Variants in UHRF1 observed in about 807,000 individuals in gnomAD.
The protein encoded by UHRF1 is ubiquitin like with PHD and ring finger domains 1.
In UHRF1, 9 loss-of-function variants were observed where a neutral mutation model predicts 96.5. That is an observed-to-expected ratio of 0.09 (90% CI 0.06 to 0.16). The LOEUF (loss-of-function observed/expected upper bound fraction) is 0.16. Ranked by LOEUF, UHRF1 falls within the 10% of genes least tolerant of loss-of-function variation. The pLI is 1.00. For missense variants in UHRF1, 626 were observed against 1,131.1 expected, an observed-to-expected ratio of 0.55 and a Z score of 6.40; for synonymous variants, 455 against 469.9, an observed-to-expected ratio of 0.97 and a Z score of 0.41.
intron 5 of UHRF1, among the ~76,000 whole-genome samples, chr19:4,937,822 G>T (rs767359051): frequency 2.6e-5 from 4 of 152,074 alleles, no homozygotes; most frequent in Non-Finnish European, 5.9e-5. Context: ...TAAAATTTAC[G>T]TTAATTCTTC....
chr19:4,926,945 C>T (rs1274077725), intron 2 of UHRF1, among the ~76,000 whole-genome samples: 1 of 152,128 alleles, frequency 6.6e-6, no homozygotes, highest in African/African-American at 2.4e-5. Context: ...TGCCTGTAAT[C>T]CCCGCTACTT....
intron 2 of UHRF1, among the ~76,000 whole-genome samples, chr19:4,928,356 C>T (rs563768450): frequency 1.2e-4 from 18 of 152,084 alleles, no homozygotes; most frequent in Admixed American, 7.2e-4. Flanking sequence ...GGCAAACCAC[C>T]GGGAGAGGGT....
chr19:4,953,435 T>G (rs536234168), intron 13 of UHRF1, among the ~76,000 whole-genome samples: 14 of 152,278 alleles, frequency 9.2e-5, no homozygotes, highest in African/African-American at 2.6e-4. Context: ...ATTTCCAAAT[T>G]GTCAGCATCC....
chr19:4,960,773 G>A lies in UHRF1; in HGVS notation c.2352G>A (p.Gln784=). The change falls in exon 17 of 17, where the codon CAG becomes CAA. Residue 784 remains glutamine, a synonymous_variant. Transcript: ENST00000650932. The part of the protein sequence containing the change: ...VNQPLQTVLN[Q]LFPGYGNGR ...AGCCTCTGCAGACCGTCCTCAACCA[G>A]CTCTTCCCCGGCTACGGCAATGGCC... is the stretch of plus-strand genomic sequence containing the variant. 6.3e-7 allele frequency: 1 copy of A among 1,575,310 alleles called. No individual in the cohort carries two copies. Among genetic ancestry groups the A allele is most frequent in the East Asian group, 2.3e-5 (1 of 42,914 alleles).
rs777676296 is a variant in UHRF1, at chr19:4,932,965, C to T, written c.785+9C>T. 4.7e-5 allele frequency: 75 copies of T among 1,599,646 alleles called. No individual in the cohort carries two copies. In the Middle Eastern group the frequency reaches 5.0e-4, roughly 11 times the overall value. On this transcript the variant is annotated intron_variant, in intron 5 of 16. Coordinates refer to ENST00000650932, the MANE Select transcript of UHRF1 (RefSeq NM_001048201.3). ...GCCAACGTGGTGCTGGGGTGAGCCT[C>T]GCGTCCTGGGGCGAGCCCTTCCTCT...
chr19:4,934,110 G>A (rs2033146679), intron 5 of UHRF1, among the ~76,000 whole-genome samples: 2 of 150,924 alleles, frequency 1.3e-5, no homozygotes, highest in African/African-American at 4.9e-5. Context: ...TGCAGCCTCC[G>A]CCTTCCAGGT....
chr19:4,946,115 A>C, intron 10 of UHRF1, 150 bp downstream of exon 10: 2 of 603,438 alleles, frequency 3.3e-6, no homozygotes, highest in Non-Finnish European at 2.9e-6. Flanking sequence ...TGCAACCATC[A>C]CCACCACCAT....
chr19:4,960,649 T>G lies in UHRF1; in HGVS notation c.2236-8T>G. The G allele has an allele frequency of 6.2e-7, 1 of 1,612,948 alleles. No homozygotes were observed. The highest frequency in any genetic ancestry group is 8.5e-7 in the Non-Finnish European group (1 of 1,179,470). ...TGGCACTTCTCACGCGCCTGCTGTG[T>G]CTTACAGGACTGCCTGGACAGATCC... is the stretch of plus-strand genomic sequence containing the variant. On this transcript the variant is annotated splice_region_variant and splice_polypyrimidine_tract_variant and intron_variant, in intron 16 of 16. Coordinates refer to ENST00000650932, the MANE Select transcript of UHRF1 (RefSeq NM_001048201.3).
At chr19:4,905,415 G>A (rs1193904567), upstream of UHRF1, among the ~76,000 whole-genome samples, 4 of 151,172 alleles carry the variant, frequency 2.6e-5, no homozygotes, top group Admixed American at 2.0e-4. Flanking sequence ...CACCACACCC[G>A]GCCACAAATT....
chr19:4,909,195 C>G (rs1466537333), upstream of UHRF1: 2 of 444,786 alleles, frequency 4.5e-6, no homozygotes. Flanking sequence ...CGGACTTGGA[C>G]TTAAGAGTTC....
rs772132942 is a variant in UHRF1 at position 4,929,271 on chromosome 19, C to T, written c.203C>T (p.Thr68Ile). The change falls in exon 3 of 17, where the codon ACC (threonine) becomes ATC (isoleucine). Residue 68 changes from threonine (T) to isoleucine (I), a missense_variant. Coordinates refer to ENST00000650932, the MANE Select transcript of UHRF1 (RefSeq NM_001048201.3). ...LFDYEVRLND[T>I]IQLLVRQSLV... ...GACTACGAGGTCCGCCTGAATGACA[C>T]CATCCAGCTCCTGGTCCGCCAGAGC... is the stretch of plus-strand genomic sequence containing the variant. 1 of 1,613,978 alleles carries T rather than the reference C, an allele frequency of 6.2e-7. No individual in the cohort carries two copies. Among genetic ancestry groups the T allele is most frequent in the Non-Finnish European group, 8.5e-7 (1 of 1,179,894 alleles).
At chr19:4,921,875 A>G (rs2032714587) in intron 2 of UHRF1, among the ~76,000 whole-genome samples, 1 of 152,264 alleles carries the variant, frequency 6.6e-6, no homozygotes, top group African/African-American at 2.4e-5. Context: ...CATTCTTCTC[A>G]GGCCACGAGG....
At position 4,911,110 on chromosome 19, in the gene UHRF1, C is replaced by A. The variant is rs1322335056; in HGVS notation, c.153+72C>A. ...GCGCCTCTGCAGCCACCAGCCGATA[C>A]TTTCTCCCTCCCACCTCCCCCCCCA... On this transcript the variant is annotated intron_variant, in intron 2 of 16. Coordinates refer to ENST00000650932, the MANE Select transcript of UHRF1 (RefSeq NM_001048201.3). 5.8e-6 allele frequency: 8 copies of A among 1,375,738 alleles called. No individual in the cohort carries two copies. The African/African-American group carries it at 1.2e-4, about 20-fold the overall frequency. The allele number at this position is 1,375,738 out of a possible 1,614,324, so 85.2% of individuals were successfully genotyped here.
chr19:4,945,335 T>C (rs536250859), intron 9 of UHRF1, among the ~76,000 whole-genome samples: 45 of 152,304 alleles, frequency 3.0e-4, no homozygotes, highest in African/African-American at 9.9e-4. Flanking sequence ...CTTGGCTCAC[T>C]GCAACCTCCC....
chr19:4,959,210 A>T (rs2145228523), intron 16 of UHRF1, among the ~76,000 whole-genome samples: 1 of 151,690 alleles, frequency 6.6e-6, no homozygotes, highest in East Asian at 2.0e-4. Flanking sequence ...GGCGCCTGTA[A>T]TCCCAGCTAC....
At chr19:4,929,121 C>G (rs1232568688) in intron 2 of UHRF1, 101 bp from the exon 3 acceptor site, 2 of 1,478,904 alleles carry the variant, frequency 1.4e-6, no homozygotes, top group East Asian at 2.3e-5. Flanking sequence ...TGCCCCCCCC[C>G]CACAAGGGCT....
chr19:4,926,959 A>T (rs972006038), intron 2 of UHRF1, among the ~76,000 whole-genome samples: 1 of 152,116 alleles, frequency 6.6e-6, no homozygotes, highest in Non-Finnish European at 1.5e-5. Flanking sequence ...GCTACTTGGG[A>T]GGCTGAGGCA....
chr19:4,926,306 G>A (rs780635310), intron 2 of UHRF1, among the ~76,000 whole-genome samples: 50 of 152,074 alleles, frequency 3.3e-4, no homozygotes, highest in Non-Finnish European at 6.9e-4. Context: ...CTCTCCATCC[G>A]TGCCACCTCT....
chr19:4,930,221 C>T lies in UHRF1; in HGVS notation c.409-495C>T, dbSNP rs953999940. Among the ~76,000 whole-genome samples the T allele has an allele frequency of 2.6e-5, 4 of 152,178 alleles. No individual in the cohort carries two copies. The highest frequency in any genetic ancestry group is 2.1e-4 in the South Asian group (1 of 4,838). On this transcript the variant is annotated intron_variant, in intron 3 of 16. Coordinates refer to ENST00000650932, the MANE Select transcript of UHRF1 (RefSeq NM_001048201.3). This position sits in a 1 kb window ranked among gnomAD's most constrained non-coding sequence, Gnocchi z 4.4. Reference sequence around the variant, plus strand: ...AACTCCTGGCCTCAAGTGATCTTCCCGCCGCAGCCTCCCAAAGTGCTGGAA... The same window carrying T: ...AACTCCTGGCCTCAAGTGATCTTCCTGCCGCAGCCTCCCAAAGTGCTGGAA...
Sources: allele counts gnomAD v4.1 joint callset (sites outside exome capture counted in the v4.1 genomes callset), GRCh38; gene constraint gnomAD v4.1.1; non-coding constraint Gnocchi (gnomAD v3.1); transcripts MANE v1.5; gene names NCBI Gene and HGNC (gene_info 2026-07-23, HGNC 2026-07-21).